COL5A2: variants seen among roughly 807,000 people sequenced by gnomAD.
The protein encoded by COL5A2 is collagen type V alpha 2 chain, also known as collagen alpha-2(V) chain.
In COL5A2, 23 loss-of-function variants were observed where a neutral mutation model predicts 208.2. The ratio of observed to expected loss-of-function variants is 0.11; its 90% CI spans 0.08 to 0.16. The LOEUF (loss-of-function observed/expected upper bound fraction) is 0.16. Among genes scored for constraint, COL5A2 ranks in the 10% least tolerant of loss-of-function variants. The probability of loss-of-function intolerance (pLI) is 1.00; values close to 1 mark genes in which losing one functional copy is unlikely to be tolerated. For synonymous variants in COL5A2, 625 were observed against 628.5 expected (o/e 0.99, Z 0.08); for missense variants, 1,590 against 1,956.4 (o/e 0.81, Z 3.53).
chr2:189,104,485 T>C (rs1185015735), intron 2 of COL5A2, among the ~76,000 whole-genome samples: 7 of 151,962 alleles, frequency 4.6e-5, no homozygotes, highest in Admixed American at 1.3e-4. Context: ...AATTCTAACA[T>C]GATATTAATA....
Position 189,197,913 on chromosome 2 carries a change from G to A in COL5A2, c.-42+27235C>T, listed in dbSNP as rs898489801. ...CACCCAGGCTGGAGTGCAGCGGCAC[G>A]ATCTAGGCTCACTGCAAGCTCCGCC... On this transcript the variant is annotated intron_variant, in intron 1 of 10. Transcript: ENST00000649966. Among the ~76,000 whole-genome samples, 4 of 150,632 alleles carry A rather than the reference G, an allele frequency of 2.7e-5. No homozygotes were observed. In the East Asian group the frequency reaches 7.8e-4, roughly 29 times the overall value.
chr2:189,262,108 C>T, the COL5A2 span, among the ~76,000 whole-genome samples: 27 of 152,118 alleles, frequency 1.8e-4, no homozygotes, highest in East Asian at 4.4e-3. Flanking sequence ...AAAATAATAA[C>T]GCTTGTCCAG....
chr2:189,152,204 CACTT>C (rs1181512798), intron 1 of COL5A2, among the ~76,000 whole-genome samples: 4 of 152,166 alleles, frequency 2.6e-5, no homozygotes, highest in Non-Finnish European at 4.4e-5. Context: ...TGGAACCTGA[CACTT>C]ACATGTATAA....
the COL5A2 span, among the ~76,000 whole-genome samples, chr2:189,258,413 T>G: frequency 6.6e-6 from 1 of 152,346 alleles, no homozygotes; most frequent in Non-Finnish European, 1.5e-5. Context: ...TTTACATTGT[T>G]GCTTTTTCCC....
At chr2:189,057,215 G>T in intron 34 of COL5A2, 105 bp downstream of exon 34, 1 of 991,966 alleles carries the variant, frequency 1.0e-6, no homozygotes, top group South Asian at 1.4e-5. Context: ...AATGACTAGT[G>T]ACTCAGGATG....
chr2:189,256,460 A>G, the COL5A2 span, among the ~76,000 whole-genome samples: 5 of 152,180 alleles, frequency 3.3e-5, no homozygotes, highest in African/African-American at 4.8e-5. Context: ...CCAGGCATGT[A>G]GAGTTCTGTT....
At chr2:189,304,498 G>A in the COL5A2 span, among the ~76,000 whole-genome samples, 1 of 152,202 alleles carries the variant, frequency 6.6e-6, no homozygotes, top group Admixed American at 6.5e-5. Flanking sequence ...AGAGAGTCAG[G>A]AAGCTTACAA....
intron 2 of COL5A2, among the ~76,000 whole-genome samples, chr2:189,109,706 C>T (rs558530964): frequency 1.3e-5 from 2 of 151,978 alleles, no homozygotes; most frequent in Non-Finnish European, 2.9e-5. Flanking sequence ...ATTATTTTTT[C>T]TCCTGGAAAT....
At chr2:189,285,646 A>C in the COL5A2 span, among the ~76,000 whole-genome samples, 1 of 152,194 alleles carries the variant, frequency 6.6e-6, no homozygotes, top group African/African-American at 2.4e-5. Flanking sequence ...ATATTTTCCC[A>C]CTAGCAGCTC....
chr2:189,294,414 A>C, the COL5A2 span, among the ~76,000 whole-genome samples: 1 of 152,156 alleles, frequency 6.6e-6, no homozygotes, highest in Non-Finnish European at 1.5e-5. Context: ...ACCTTAATCA[A>C]CTCTAACATT....
At chr2:189,137,138 T>A (rs1576549554) in intron 1 of COL5A2, among the ~76,000 whole-genome samples, 1 of 152,170 alleles carries the variant, frequency 6.6e-6, no homozygotes. Flanking sequence ...TGGACCAATC[T>A]CTTCAAGCAA....
intron 23 of COL5A2, 115 bp from the exon 24 acceptor site, chr2:189,065,172 C>A (rs1413315632): frequency 3.1e-5 from 29 of 923,934 alleles, no homozygotes; most frequent in Admixed American, 2.0e-5. Context: ...ATCAAGCCAA[C>A]ATGGCTATAG....
At chr2:189,436,094 G>T in the COL5A2 span, among the ~76,000 whole-genome samples, 2 of 151,968 alleles carry the variant, frequency 1.3e-5, no homozygotes, top group South Asian at 2.1e-4. Context: ...ACCAAACACC[G>T]CATGTTCTCA....
chr2:189,038,906 G>T (rs1418186184), intron 51 of COL5A2, among the ~76,000 whole-genome samples: 2 of 151,986 alleles, frequency 1.3e-5, no homozygotes, highest in African/African-American at 4.8e-5. Context: ...AGCCAGGATG[G>T]TCTTGATCTC....
At chr2:189,077,294 T>TAAGACC (rs993935741) in intron 16 of COL5A2, among the ~76,000 whole-genome samples, 1 of 152,100 alleles carries the variant, frequency 6.6e-6, no homozygotes, top group African/African-American at 2.4e-5. Flanking sequence ...AAAGCACCTA[T>TAAGACC]AAGACCTAAA....
the COL5A2 span, among the ~76,000 whole-genome samples, chr2:189,310,621 A>G: frequency 6.6e-6 from 1 of 152,090 alleles, no homozygotes; most frequent in African/African-American, 2.4e-5. Context: ...AGATAACTGC[A>G]CTCCTGTGTT....
the COL5A2 span, among the ~76,000 whole-genome samples, chr2:189,281,125 C>T: frequency 1.3e-5 from 2 of 152,032 alleles, no homozygotes; most frequent in African/African-American, 4.8e-5. Flanking sequence ...ATCTCTTAAT[C>T]TTTAAAAAAT....
At chr2:189,037,414 G>T (rs1276049325) in intron 51 of COL5A2, among the ~76,000 whole-genome samples, 1 of 152,130 alleles carries the variant, frequency 6.6e-6, no homozygotes, top group Non-Finnish European at 1.5e-5. Context: ...ATATTTGTGT[G>T]TATATTATAT....
At chr2:189,345,575 G>T in the COL5A2 span, among the ~76,000 whole-genome samples, 1 of 152,094 alleles carries the variant, frequency 6.6e-6, no homozygotes, top group East Asian at 1.9e-4. Flanking sequence ...TATTAGATAA[G>T]TATCTCAGGA....
Sources: allele counts gnomAD v4.1 joint callset (sites outside exome capture counted in the v4.1 genomes callset), GRCh38; gene constraint gnomAD v4.1.1; transcripts MANE v1.5; gene names NCBI Gene and HGNC (gene_info 2026-07-23, HGNC 2026-07-21).